Variants in TUNAR observed in about 807,000 individuals in gnomAD.
The protein encoded by TUNAR is protein TUNAR.
intron 2 of TUNAR, among the ~76,000 whole-genome samples, chr14:95,919,585 C>T (rs377055873): frequency 6.6e-6 from 1 of 152,082 alleles, no homozygotes; most frequent in East Asian, 1.9e-4. Flanking sequence ...TGGTGGTGCA[C>T]GCTGGTGGTA....
At chr14:95,876,994 C>T (rs1452708838) in exon 2 of TUNAR, 1 of 152,282 alleles carries the variant, frequency 6.6e-6, no homozygotes, top group African/African-American at 2.4e-5. Flanking sequence ...GCCCGGCGGC[C>T]AGCCCTATCC....
intron 2 of TUNAR, among the ~76,000 whole-genome samples, chr14:95,913,393 C>T (rs867623384): frequency 3.3e-5 from 5 of 152,226 alleles, no homozygotes; most frequent in Middle Eastern, 3.4e-3. Context: ...GTTCAACTCC[C>T]ACTTATGAGT....
chr14:95,897,902 T>C (rs1264913742), intron 2 of TUNAR, among the ~76,000 whole-genome samples: 5 of 152,218 alleles, frequency 3.3e-5, no homozygotes, highest in Non-Finnish European at 7.3e-5. Flanking sequence ...TCTCCCTTTT[T>C]TCATACCGCC....
chr14:95,883,451 T>C (rs1889014463), intron 2 of TUNAR, among the ~76,000 whole-genome samples: 1 of 152,226 alleles, frequency 6.6e-6, no homozygotes, highest in Non-Finnish European at 1.5e-5. Context: ...GACAACAGTT[T>C]AACAAACAGT....
chr14:95,922,079 G>A (rs72700948), intron 2 of TUNAR, among the ~76,000 whole-genome samples: 16,575 of 152,174 alleles, frequency 0.11, 1,028 homozygotes, highest in South Asian at 0.22. Context: ...CAGAAGTGAG[G>A]CCTTCTCTAG....
intron 2 of TUNAR, among the ~76,000 whole-genome samples, chr14:95,890,560 C>G (rs974823621): frequency 6.6e-6 from 1 of 152,078 alleles, no homozygotes; most frequent in African/African-American, 2.4e-5. Flanking sequence ...GAGACAGGCT[C>G]CCCAGGTAGG....
chr14:95,913,849 C>T (rs572170157), intron 2 of TUNAR, among the ~76,000 whole-genome samples: 1 of 152,352 alleles, frequency 6.6e-6, no homozygotes, highest in African/African-American at 2.4e-5. Context: ...TCTCCTGCCT[C>T]AGCCTCCCGA....
At chr14:95,904,275 C>T (rs930214391) in intron 2 of TUNAR, among the ~76,000 whole-genome samples, 2 of 152,176 alleles carry the variant, frequency 1.3e-5, no homozygotes, top group Admixed American at 1.3e-4. Flanking sequence ...GAACCTGCCT[C>T]ACTGGGGATC....
intron 2 of TUNAR, among the ~76,000 whole-genome samples, chr14:95,904,684 C>T (rs898013373): frequency 8.5e-5 from 13 of 152,234 alleles, no homozygotes; most frequent in African/African-American, 2.9e-4. Flanking sequence ...CCTTGAGGCT[C>T]AGCCCCATAG....
chr14:95,913,591 A>G (rs941381939), intron 2 of TUNAR, among the ~76,000 whole-genome samples: 1 of 152,168 alleles, frequency 6.6e-6, no homozygotes, highest in Non-Finnish European at 1.5e-5. Context: ...GCTCTGAGAA[A>G]TTGGTCTAGA....
At chr14:95,884,463 C>G (rs554759856) in intron 2 of TUNAR, among the ~76,000 whole-genome samples, 7 of 152,302 alleles carry the variant, frequency 4.6e-5, no homozygotes, top group African/African-American at 1.7e-4. Context: ...TCTGTCTTGC[C>G]ACTATGCTGA....
chr14:95,905,597 G>T (rs1373199406), intron 2 of TUNAR, among the ~76,000 whole-genome samples: 2 of 152,172 alleles, frequency 1.3e-5, no homozygotes, highest in African/African-American at 4.8e-5. Context: ...TCGATCACTG[G>T]GTTAAAGGGA....
At chr14:95,893,337 C>T (rs1042885076) in intron 2 of TUNAR, among the ~76,000 whole-genome samples, 4 of 152,156 alleles carry the variant, frequency 2.6e-5, no homozygotes, top group Non-Finnish European at 5.9e-5. Context: ...CCTGGAGCAA[C>T]CTGACTGGGC....
chr14:95,887,187 C>A (rs1189359330), intron 2 of TUNAR, among the ~76,000 whole-genome samples: 1 of 152,210 alleles, frequency 6.6e-6, no homozygotes, highest in African/African-American at 2.4e-5. Flanking sequence ...TACGTACATA[C>A]ATAAGTTTAA....
chr14:95,888,006 G>T (rs1390111463), intron 2 of TUNAR, among the ~76,000 whole-genome samples: 11 of 152,222 alleles, frequency 7.2e-5, no homozygotes. Flanking sequence ...GATTTTGATG[G>T]CTGTCACAGT....
At chr14:95,883,266 G>A (rs72700924) in intron 2 of TUNAR, among the ~76,000 whole-genome samples, 28,488 of 152,210 alleles carry the variant, frequency 0.19, 2,956 homozygotes, top group Non-Finnish European at 0.23. Context: ...CAGCAGGGCT[G>A]GTTGTCCTCC....
chr14:95,907,656 A>G (rs1889447999), intron 2 of TUNAR, among the ~76,000 whole-genome samples: 1 of 152,196 alleles, frequency 6.6e-6, no homozygotes, highest in South Asian at 2.1e-4. Flanking sequence ...TGCAATGGGT[A>G]GCTCCTCTCT....
intron 2 of TUNAR, among the ~76,000 whole-genome samples, chr14:95,882,820 C>G (rs1889002335): frequency 6.6e-6 from 1 of 152,154 alleles, no homozygotes; most frequent in Non-Finnish European, 1.5e-5. Context: ...TGATCCACTT[C>G]TTGATTCTTT....
At chr14:95,897,092 A>T (rs1363770886) in intron 2 of TUNAR, among the ~76,000 whole-genome samples, 1 of 152,258 alleles carries the variant, frequency 6.6e-6, no homozygotes, top group African/African-American at 2.4e-5. Context: ...CAAGTATATC[A>T]TAAAAGCCCT....
Sources: allele counts gnomAD v4.1 joint callset (sites outside exome capture counted in the v4.1 genomes callset), GRCh38; gene constraint gnomAD v4.1.1; transcripts MANE v1.5; gene names NCBI Gene and HGNC (gene_info 2026-07-23, HGNC 2026-07-21).